Variants in PPP3CA observed in about 807,000 individuals in gnomAD.
The protein encoded by PPP3CA is protein phosphatase 3 catalytic subunit alpha.
In PPP3CA, 14 loss-of-function variants were observed where a neutral mutation model predicts 66.5. The ratio of observed to expected loss-of-function variants is 0.21; its 90% CI spans 0.14 to 0.33. PPP3CA has a LOEUF of 0.33. Ranked by LOEUF, PPP3CA falls within the 10% of genes least tolerant of loss-of-function variation. The pLI, the probability that PPP3CA is intolerant of heterozygous loss-of-function variation, is 1.00. For missense variants in PPP3CA, 317 were observed against 639.5 expected, an observed-to-expected ratio of 0.50 and a Z score of 5.44; for synonymous variants, 232 against 226.2, an observed-to-expected ratio of 1.03 and a Z score of -0.23.
intron 2 of PPP3CA, among the ~76,000 whole-genome samples, chr4:101,185,674 G>A (rs1270636060): frequency 1.3e-5 from 2 of 152,150 alleles, no homozygotes; most frequent in African/African-American, 4.8e-5. Flanking sequence ...CATTAGTGGA[G>A]AATATTAGGA....
At chr4:101,221,440 T>G (rs1400058227) in intron 1 of PPP3CA, among the ~76,000 whole-genome samples, 1 of 118,426 alleles carries the variant, frequency 8.4e-6, no homozygotes, top group Non-Finnish European at 1.9e-5. Context: ...CTTAAAAGTT[T>G]GTTTAAAATA....
chr4:101,323,451 A>T (rs993794895), intron 1 of PPP3CA, among the ~76,000 whole-genome samples: 9 of 152,214 alleles, frequency 5.9e-5, no homozygotes, highest in African/African-American at 1.9e-4. Context: ...CTCCCTCTTC[A>T]GTCAAGGATG....
intron 8 of PPP3CA, among the ~76,000 whole-genome samples, chr4:101,078,635 G>A (rs1729292328): frequency 6.6e-6 from 1 of 152,058 alleles, no homozygotes; most frequent in Non-Finnish European, 1.5e-5. Context: ...GTAACTATCA[G>A]CTTATAATTC....
rs1726626866 is a variant in PPP3CA, at chr4:101,025,939, A to T, written c.1492T>A (p.Ser498Thr). 6.2e-7 allele frequency: 1 copy of T among 1,610,590 alleles called. No individual in the cohort carries two copies. Among genetic ancestry groups the T allele is most frequent in the Non-Finnish European group, 8.5e-7 (1 of 1,179,332 alleles). The stretch of plus-strand genomic sequence containing the variant: ...TCTGAGGTGAGAGCCTTGTTGATGG[A>T]GTTAAGGTTGGCGTCAGAGGGCATG... ...DAMPSDANLN[S>T]INKALTSETN... The change falls in exon 14 of 14, where the codon TCC becomes ACC. Residue 498 changes from serine to threonine, a missense_variant. Ser to Thr is a moderately conservative substitution (Grantham distance 58, BLOSUM62 1). This residue lies in a region of PPP3CA where 40 missense variants were observed against 38.6 expected (regional missense o/e 1.04). Transcript: ENST00000394854.
chr4:101,164,561 A>AGTTTT (rs944031068), intron 2 of PPP3CA, among the ~76,000 whole-genome samples: 1 of 31,290 alleles, frequency 3.2e-5, no homozygotes, highest in African/African-American at 9.4e-5. Context: ...ATGGGATTTA[A>AGTTTT]GTTTTTTTTT....
At chr4:101,116,829 A>G (rs1370483005) in intron 2 of PPP3CA, among the ~76,000 whole-genome samples, 1 of 151,920 alleles carries the variant, frequency 6.6e-6, no homozygotes, top group African/African-American at 2.4e-5. Context: ...AATATGTTTT[A>G]GGCACTTTAT....
rs963529349 is a variant in PPP3CA at position 101,164,062 on chromosome 4, C to A, written c.259+31854G>T. Reference sequence around the variant, plus strand: ...GTGGTGTAATCATAACTTACTGCATCTTTGAATTCCTGTGCCATCAACTGA... The same window carrying A: ...GTGGTGTAATCATAACTTACTGCATATTTGAATTCCTGTGCCATCAACTGA... On this transcript the variant is annotated intron_variant, in intron 2 of 13. Transcript: ENST00000394854. Among the ~76,000 whole-genome samples the A allele has an allele frequency of 8.8e-4, 8 of 9,044 alleles. 1 individual carries two copies. The highest frequency in any genetic ancestry group is 8.6e-3 in the Admixed American group (8 of 928). The allele number at this position is 9,044 out of a possible 152,430, so 5.9% of individuals were successfully genotyped here.
intron 2 of PPP3CA, among the ~76,000 whole-genome samples, chr4:101,190,890 T>A (rs1724579215): frequency 6.6e-6 from 1 of 152,204 alleles, no homozygotes; most frequent in African/African-American, 2.4e-5. Flanking sequence ...ACCCTTCGCA[T>A]CAGTATTCTT....
intron 3 of PPP3CA, among the ~76,000 whole-genome samples, 191 bp from the exon 4 acceptor site, chr4:101,099,913 A>T (rs1730365469): frequency 1.3e-5 from 2 of 151,976 alleles, no homozygotes; most frequent in African/African-American, 2.4e-5. Flanking sequence ...GCCAAGGTCC[A>T]TCTACACCTA....
At chr4:101,038,805 G>C (rs1727377103) in intron 11 of PPP3CA, among the ~76,000 whole-genome samples, 1 of 152,074 alleles carries the variant, frequency 6.6e-6, no homozygotes, top group East Asian at 1.9e-4. Context: ...TTTCTGGATA[G>C]GATCTCTCTA....
chr4:101,177,833 A>C (rs1470478380), intron 2 of PPP3CA, among the ~76,000 whole-genome samples: 2 of 151,300 alleles, frequency 1.3e-5, no homozygotes, highest in Non-Finnish European at 3.0e-5. Flanking sequence ...ATTAAGCACA[A>C]AAAAAAAACA....
At chr4:101,119,255 G>T (rs995761186) in intron 2 of PPP3CA, among the ~76,000 whole-genome samples, 7 of 151,850 alleles carry the variant, frequency 4.6e-5, no homozygotes, top group African/African-American at 1.5e-4. Flanking sequence ...AATAGACTAG[G>T]TCTCATACTC....
chr4:101,287,810 T>A (rs546455200), intron 1 of PPP3CA, among the ~76,000 whole-genome samples: 1 of 151,772 alleles, frequency 6.6e-6, no homozygotes, highest in South Asian at 2.1e-4. Context: ...CCTAAAGGAG[T>A]TTTCAGTAAG....
At chr4:101,074,308 A>T (rs1729051828) in intron 8 of PPP3CA, among the ~76,000 whole-genome samples, 1 of 152,150 alleles carries the variant, frequency 6.6e-6, no homozygotes, top group Non-Finnish European at 1.5e-5. Context: ...TCTCAGAAAG[A>T]TCTGAGCTAG....
At chr4:101,064,807 G>A (rs1728613041) in intron 8 of PPP3CA, among the ~76,000 whole-genome samples, 1 of 152,056 alleles carries the variant, frequency 6.6e-6, no homozygotes, top group South Asian at 2.1e-4. Context: ...TTTGAACAGT[G>A]CAGAGTATGG....
At position 101,106,463 on chromosome 4, in the gene PPP3CA, A is replaced by AGAAAGAAAGAAGAGAAG. The variant is rs1560605247; in HGVS notation, c.384+2490_384+2491insCTTCTCTTCTTTCTTTC. On this transcript the variant is annotated intron_variant, in intron 3 of 13. Coordinates refer to ENST00000394854, the MANE Select transcript of PPP3CA (RefSeq NM_000944.5). ...AAAGAAAGAAAGAAAGAGAAAAGAA[A>AGAAAGAAAGAAGAGAAG]AGAAAAGAAAAGAAAAGAAAAGAAA... Among the ~76,000 whole-genome samples the AGAAAGAAAGAAGAGAAG allele has an allele frequency of 3.9e-4, 13 of 33,758 alleles. 3 individuals carry two copies. The highest frequency in any genetic ancestry group is 8.7e-4 in the African/African-American group (5 of 5,716). 22.1% of individuals were successfully genotyped at this position (33,758 alleles called of 152,430 possible).
intron 1 of PPP3CA, among the ~76,000 whole-genome samples, chr4:101,229,203 C>T (rs1395474): frequency 0.11 from 16,880 of 150,904 alleles, 1,357 homozygotes; most frequent in East Asian, 0.31. Flanking sequence ...AAATTGAACA[C>T]GACAAGTGTA....
chr4:101,208,763 T>C (rs149319944), intron 1 of PPP3CA, among the ~76,000 whole-genome samples: 1 of 152,334 alleles, frequency 6.6e-6, no homozygotes, highest in East Asian at 1.9e-4. Context: ...AATTGAAGGT[T>C]TATATACACT....
At chr4:101,115,036 T>C (rs896556795) in intron 2 of PPP3CA, among the ~76,000 whole-genome samples, 1 of 151,932 alleles carries the variant, frequency 6.6e-6, no homozygotes, top group Non-Finnish European at 1.5e-5. Context: ...GACTAATGGG[T>C]GGTGTGGTAG....
Sources: allele counts gnomAD v4.1 joint callset (sites outside exome capture counted in the v4.1 genomes callset), GRCh38; gene constraint gnomAD v4.1.1; regional missense constraint gnomAD v4.1.1; transcripts MANE v1.5; gene names NCBI Gene and HGNC (gene_info 2026-07-23, HGNC 2026-07-21).